FAN1: variants seen among roughly 807,000 people sequenced by gnomAD.
FAN1 encodes fanconi-associated nuclease 1.
In FAN1, 91 loss-of-function variants were observed where a neutral mutation model predicts 104.9. That is an observed-to-expected ratio of 0.87 (90% confidence interval 0.73 to 1.03). The LOEUF is 1.03. Ranked by LOEUF, FAN1 falls within the 50% of genes least tolerant of loss-of-function variation. The probability of loss-of-function intolerance (pLI) is 0.00; values close to 1 mark genes in which losing one functional copy is unlikely to be tolerated. For synonymous variants in FAN1, 478 were observed against 457.6 expected, an observed-to-expected ratio of 1.04 and a Z score of -0.57; for missense variants, 1,263 against 1,239.9, an observed-to-expected ratio of 1.02 and a Z score of -0.28.
At chr15:30,916,686 T>C (rs971636707) in intron 5 of FAN1, among the ~76,000 whole-genome samples, 7 of 152,232 alleles carry the variant, frequency 4.6e-5, no homozygotes, top group South Asian at 2.1e-4. Context: ...TTAAAATGTT[T>C]CTTATTCATT....
chr15:30,920,524 T>G (rs758707862), intron 6 of FAN1, 21 bp from the exon 7 acceptor site: 1 of 1,441,304 alleles, frequency 6.9e-7, no homozygotes, highest in South Asian at 1.2e-5. Flanking sequence ...ATTAAACTAC[T>G]GGTATATGTC....
intron 14 of FAN1, chr15:30,939,923 A>G: frequency 1.0e-6 from 1 of 985,372 alleles, no homozygotes; most frequent in Middle Eastern, 5.2e-4. Flanking sequence ...CATAAAGTGA[A>G]TTTCTTAAGA....
intron 3 of FAN1, among the ~76,000 whole-genome samples, chr15:30,909,495 A>C (rs2140906629): frequency 6.6e-6 from 1 of 152,344 alleles, no homozygotes; most frequent in South Asian, 2.1e-4. Context: ...AATGTGGTGC[A>C]GCTTCCGTAA....
intron 12 of FAN1, among the ~76,000 whole-genome samples, 159 bp downstream of exon 12, chr15:30,929,556 ATAT>A (rs1363188481): frequency 2.8e-4 from 29 of 104,358 alleles, no homozygotes; most frequent in Non-Finnish European, 3.8e-4. Flanking sequence ...TATAAAATAT[ATAT>A]TATATCTTTA....
chr15:30,919,394 A>G (rs2062266250), intron 6 of FAN1, among the ~76,000 whole-genome samples: 1 of 150,212 alleles, frequency 6.7e-6, no homozygotes. Context: ...AAAAAAAAAA[A>G]AAAAAATCAT....
intron 13 of FAN1, among the ~76,000 whole-genome samples, chr15:30,932,242 A>G (rs2062733062): frequency 1.3e-5 from 2 of 150,292 alleles, no homozygotes; most frequent in Non-Finnish European, 3.0e-5. Context: ...AAAAAAAAAA[A>G]GCCAGCTGAG....
In FAN1 at chr15:30,905,243, G is replaced by A; in HGVS notation, c.580G>A (p.Asp194Asn). The part of the protein sequence containing the change: ...SKSTVVKSLI[D>N]NSSEIEDEDQ... ...ATCCACAGTTGTTAAGAGCCTGATT[G>A]ATAACTCTTCAGAAATTGAGGACGA... is the stretch of plus-strand genomic sequence containing the variant. The change falls in exon 2 of 15, where the codon GAT becomes AAT. Residue 194 changes from aspartate to asparagine, a missense_variant. Transcript: ENST00000362065. 1.2e-6 allele frequency: 2 copies of A among 1,614,016 alleles called. No homozygotes were observed. Among genetic ancestry groups the A allele is most frequent in the East Asian group, 4.5e-5 (2 of 44,882 alleles).
intron 8 of FAN1, among the ~76,000 whole-genome samples, chr15:30,924,059 T>C (rs1024456573): frequency 2.0e-4 from 30 of 152,214 alleles, no homozygotes; most frequent in Admixed American, 7.2e-4. Context: ...TAAATGTGCC[T>C]GTTCATTTCA....
Position 30,904,540 on chromosome 15 carries a change from T to C in FAN1, c.-124T>C, listed in dbSNP as rs778650689. On this transcript the variant is annotated 5_prime_UTR_variant, in exon 2 of 15. An upstream start codon of the reference 5' UTR is lost. Transcript: ENST00000362065. ...GAAGAAATTGTCGAGACGAATAACA[T>C]GAGGTCATATAGAATCCCACTTTTG... 1 of 879,330 alleles carries C rather than the reference T, an allele frequency of 1.1e-6. No homozygotes were observed. The highest frequency in any genetic ancestry group is 1.9e-6 in the Non-Finnish European group (1 of 525,464). The allele number at this position is 879,330 out of a possible 1,614,324, so 54.5% of individuals were successfully genotyped here.
chr15:30,932,398 G>A (rs1194382458), intron 13 of FAN1, among the ~76,000 whole-genome samples: 2 of 151,960 alleles, frequency 1.3e-5, no homozygotes, highest in Non-Finnish European at 2.9e-5. Context: ...ATATTGAGCT[G>A]TACTTTTCTT....
intron 12 of FAN1, among the ~76,000 whole-genome samples, chr15:30,929,779 T>TCATATATAATATATATAAAATATATAA (rs1285472396): frequency 8.8e-5 from 2 of 22,734 alleles, no homozygotes; most frequent in African/African-American, 3.0e-4. Flanking sequence ...ATATAATATA[T>TCATATATAATATATATAAAATATATAA]TATATCATAT....
Position 30,908,011 on chromosome 15 carries a change from T to G in FAN1, c.1235-107T>G, listed in dbSNP as rs1479238387. The stretch of plus-strand genomic sequence containing the variant: ...TGGTTTATTCCATAAAATGAAGGCC[T>G]TATACATACAGTAAGCATATGTGTA... On this transcript the variant is annotated intron_variant, in intron 2 of 14. Transcript: ENST00000362065. The G allele has an allele frequency of 9.4e-6, 8 of 850,534 alleles. No homozygotes were observed. In the Admixed American group the frequency reaches 2.5e-4, roughly 27 times the overall value. The allele number at this position is 850,534 out of a possible 1,614,324, so 52.7% of individuals were successfully genotyped here.
At chr15:30,932,707 G>GTT (rs1222550046) in intron 13 of FAN1, among the ~76,000 whole-genome samples, 1 of 127,920 alleles carries the variant, frequency 7.8e-6, no homozygotes. Flanking sequence ...GTTTATATTT[G>GTT]TTTCTTTTCT....
At chr15:30,937,287 CAT>C (rs1566937432) in intron 14 of FAN1, 28 bp downstream of exon 14, 1 of 1,581,316 alleles carries the variant, frequency 6.3e-7, no homozygotes, top group East Asian at 2.2e-5. Context: ...TTTGGTCATA[CAT>C]TAATGTAAGA....
chr15:30,911,648 A>G, intron 4 of FAN1: 1 of 916,986 alleles, frequency 1.1e-6, no homozygotes, highest in Non-Finnish European at 1.3e-6. Flanking sequence ...TGAGAAGTAT[A>G]GAATCCTCAT....
chr15:30,929,862 AAT>A (rs546687211), intron 12 of FAN1, among the ~76,000 whole-genome samples: 836 of 60,336 alleles, frequency 0.014, 132 homozygotes, highest in African/African-American at 0.032. Context: ...TATCATATAT[AAT>A]ATATATAAAA....
intron 6 of FAN1, among the ~76,000 whole-genome samples, chr15:30,918,580 C>T (rs2062243971): frequency 1.3e-5 from 2 of 152,080 alleles, no homozygotes. Context: ...TGTTGGCCTC[C>T]CTGAGTACTG....
intron 10 of FAN1, chr15:30,928,163 G>A (rs566536450): frequency 1.3e-5 from 13 of 1,013,644 alleles, no homozygotes; most frequent in Non-Finnish European, 1.5e-5. Context: ...CGGCATCAGG[G>A]CCTGCATGGG....
chr15:30,907,869 T>A (rs2062016271), intron 2 of FAN1, among the ~76,000 whole-genome samples: 1 of 152,162 alleles, frequency 6.6e-6, no homozygotes, highest in Non-Finnish European at 1.5e-5. Flanking sequence ...ATAAGAATTC[T>A]GGGTAGGGCT....
Sources: gnomAD v4.1 joint callset for allele counts (sites outside exome capture counted in the v4.1 genomes callset) on GRCh38, gnomAD v4.1.1 for gene constraint, MANE v1.5 for transcripts, NCBI Gene and HGNC (gene_info 2026-07-23, HGNC 2026-07-21) for gene names.